Variants in ZNF721 observed in about 807,000 individuals in gnomAD.
ZNF721 encodes zinc finger protein 721.
Under a neutral mutation model 2.4 loss-of-function variants are expected in ZNF721, and 2 were observed. The ratio of observed to expected loss-of-function variants is 0.82; its 90% CI spans 0.34 to 2.58. ZNF721 has a LOEUF of 2.58. Among genes scored for constraint, ZNF721 ranks in the 30% most tolerant of loss-of-function variants. The pLI is 0.11. For missense variants in ZNF721, 1,187 were observed against 1,085.5 expected, an observed-to-expected ratio of 1.09 and a Z score of -1.31; for synonymous variants, 398 against 381.8, an observed-to-expected ratio of 1.04 and a Z score of -0.50.
intron 1 of ZNF721, among the ~76,000 whole-genome samples, chr4:479,231 C>A (rs1715713148): frequency 6.6e-6 from 1 of 152,014 alleles, no homozygotes; most frequent in Non-Finnish European, 1.5e-5. Flanking sequence ...TTTAGATCTC[C>A]CCCTGGCAAC....
chr4:470,998 C>CA (rs782706278), intron 2 of ZNF721, among the ~76,000 whole-genome samples: 818 of 79,248 alleles, frequency 0.01, 7 homozygotes, highest in East Asian at 0.065. Flanking sequence ...GACTCTGTCT[C>CA]AAAAAAAAAA....
chr4:444,303 CTT>C lies in ZNF721; in HGVS notation c.162_163del (p.Ser55TyrfsTer5), dbSNP rs782298238. On this transcript the variant is annotated frameshift_variant, in exon 3 of 3. Transcript: ENST00000511833. LOFTEE classifies it low-confidence loss of function (END_TRUNC). ...CTTCTGCACTTTACACACGTTCATACTTTTACAGCCTTTCCTTAATTGTAAAT... is the reference window on the plus strand; with the variant it reads ...CTTCTGCACTTTACACACGTTCATACTTACAGCCTTTCCTTAATTGTAAAT... 1 of 1,614,116 alleles carries C rather than the reference CTT, an allele frequency of 6.2e-7. No homozygotes were observed. Among genetic ancestry groups the C allele is most frequent in the East Asian group, 2.2e-5 (1 of 44,860 alleles).
intron 1 of ZNF721, among the ~76,000 whole-genome samples, 182 bp from the exon 2 acceptor site, chr4:472,883 T>C (rs1472872964): frequency 2.0e-5 from 3 of 152,052 alleles, no homozygotes; most frequent in Non-Finnish European, 4.4e-5. Context: ...CAACAGTTTC[T>C]GTTCCTGCAA....
chr4:480,876 C>T (rs923014684), intron 1 of ZNF721, among the ~76,000 whole-genome samples: 7 of 150,090 alleles, frequency 4.7e-5, no homozygotes, highest in African/African-American at 1.7e-4. Flanking sequence ...TCCATTCCAG[C>T]TCCTGCTTTG....
Position 450,953 on chromosome 4 carries a change from AAAAATATATATATATATAT to A in ZNF721, c.35-6540_35-6522del, listed in dbSNP as rs1268805202. Among the ~76,000 whole-genome samples, 295 of 33,584 alleles carry A rather than the reference AAAAATATATATATATATAT, an allele frequency of 8.8e-3. 14 individuals are homozygous for A. Among genetic ancestry groups the A allele is most frequent in the South Asian group, 0.037 (29 of 778 alleles). The allele number at this position is 33,584 out of a possible 152,430, so 22.0% of individuals were successfully genotyped here. A position where few individuals can be genotyped will look rare whatever the true frequency, so the allele number is the denominator to read the frequency against. On this transcript the variant is annotated intron_variant, in intron 2 of 2. Coordinates refer to ENST00000511833, the MANE Select transcript of ZNF721 (RefSeq NM_133474.4). ...CTCTGTCTCCAAAAAAAAAAAAAAA[AAAAATATATATATATATAT>A]ATATATATATATATATATATATATC...
At position 443,752 on chromosome 4, in the gene ZNF721, G is replaced by A. The variant is rs782529181; in HGVS notation, c.715C>T (p.His239Tyr). The A allele has an allele frequency of 6.2e-7, 1 of 1,613,996 alleles. No homozygotes were observed. Residue 239 changes from histidine to tyrosine, a missense_variant, in exon 3 of 3, where the codon CAT (histidine) becomes TAT (tyrosine). Coordinates refer to ENST00000511833, the MANE Select transcript of ZNF721 (RefSeq NM_133474.4). ...TTCTCTCCAGTATGAATTTTCTCATGTTTATTCAGGTGTGAGGAATGCATA... is the reference window on the plus strand; with the variant it reads ...TTCTCTCCAGTATGAATTTTCTCATATTTATTCAGGTGTGAGGAATGCATA... Reference protein sequence around the residue: ...AFMHSSHLNKHEKIHTGEKPY... With the variant: ...AFMHSSHLNKYEKIHTGEKPY...
chr4:474,001 G>A, intron 1 of ZNF721: 1 of 1,505,020 alleles, frequency 6.6e-7, no homozygotes, highest in Admixed American at 1.8e-5. Context: ...CTTCAAGGGT[G>A]TCGCGAAGTC....
intron 2 of ZNF721, among the ~76,000 whole-genome samples, chr4:468,602 C>A (rs1428772331): frequency 6.6e-6 from 1 of 152,124 alleles, no homozygotes; most frequent in Non-Finnish European, 1.5e-5. Flanking sequence ...CAGAAAGAAT[C>A]TGTGACTGTC....
chr4:450,209 G>T (rs1349018149), intron 2 of ZNF721, among the ~76,000 whole-genome samples: 1 of 149,656 alleles, frequency 6.7e-6, no homozygotes, highest in Non-Finnish European at 1.5e-5. Flanking sequence ...ATGTCAAAGA[G>T]AAATCTACAC....
chr4:450,995 A>G (rs1444054038), intron 2 of ZNF721, among the ~76,000 whole-genome samples: 45 of 124,300 alleles, frequency 3.6e-4, no homozygotes, highest in South Asian at 1.3e-3. Context: ...ATATATATAT[A>G]TCCCAAAAAT....
chr4:443,556 G>A lies in ZNF721; in HGVS notation c.911C>T (p.Pro304Leu), dbSNP rs782582134. 1.9e-6 allele frequency: 3 copies of A among 1,613,992 alleles called. No individual in the cohort carries two copies. Among genetic ancestry groups the A allele is most frequent in the Non-Finnish European group, 2.5e-6 (3 of 1,179,944 alleles). Reference sequence around the variant, plus strand: ...TTTGCCACATACTTCACATGTGTAGGGTTTCTCTCCAGTATGAATTCTCCT... The same window carrying A: ...TTTGCCACATACTTCACATGTGTAGAGTTTCTCTCCAGTATGAATTCTCCT... ...KHRRIHTGEKPYTCEVCGKAF... is the reference protein window; with the variant it reads ...KHRRIHTGEKLYTCEVCGKAF... Residue 304 changes from proline to leucine, a missense_variant, in exon 3 of 3, where the codon CCC becomes CTC. Physicochemically the swap from Pro to Leu is moderately conservative, Grantham distance 98 (BLOSUM62 -3). Coordinates refer to ENST00000511833, the MANE Select transcript of ZNF721 (RefSeq NM_133474.4).
intron 2 of ZNF721, among the ~76,000 whole-genome samples, chr4:463,466 T>C (rs530883878): frequency 8.5e-5 from 13 of 152,326 alleles, no homozygotes; most frequent in African/African-American, 3.1e-4. Context: ...CGTATTTTTA[T>C]TGCAGCACTG....
Position 440,432 on chromosome 4 carries a change from T to C in ZNF721, c.*1263A>G, listed in dbSNP as rs1401898642. The C allele has an allele frequency of 6.6e-6, 1 of 152,204 alleles. No homozygotes were observed. The highest frequency in any genetic ancestry group is 1.5e-5 in the Non-Finnish European group (1 of 68,038). The allele number at this position is 152,204 out of a possible 1,614,324, so 9.4% of individuals were successfully genotyped here. Reference sequence around the variant, plus strand: ...TTCAAGTGAAAAAATATATTTCGAATATATCTCTTCAAAAACCTACTTTTC... The same window carrying C: ...TTCAAGTGAAAAAATATATTTCGAACATATCTCTTCAAAAACCTACTTTTC... On this transcript the variant is annotated 3_prime_UTR_variant, in exon 3 of 3. Coordinates refer to ENST00000511833, the MANE Select transcript of ZNF721 (RefSeq NM_133474.4).
intron 2 of ZNF721, among the ~76,000 whole-genome samples, chr4:467,692 A>T (rs2108708283): frequency 6.6e-6 from 1 of 152,318 alleles, no homozygotes; most frequent in East Asian, 1.9e-4. Context: ...CTGCAGGAAG[A>T]CACACCCAGC....
intron 1 of ZNF721, among the ~76,000 whole-genome samples, chr4:497,164 G>C (rs1169728983): frequency 6.6e-6 from 1 of 151,730 alleles, no homozygotes; most frequent in African/African-American, 2.4e-5. Context: ...GCTATCTGTC[G>C]ATGCAGAAGC....
chr4:443,553 T>C lies in ZNF721; in HGVS notation c.914A>G (p.Tyr305Cys). The change falls in exon 3 of 3, where the codon TAC (tyrosine) becomes TGC (cysteine). Residue 305 changes from tyrosine (Y) to cysteine (C), a missense_variant. Transcript: ENST00000511833. ...HRRIHTGEKP[Y>C]TCEVCGKAFR... ...GGCTTTGCCACATACTTCACATGTG[T>C]AGGGTTTCTCTCCAGTATGAATTCT... 1.2e-6 allele frequency: 2 copies of C among 1,614,046 alleles called. No individual in the cohort carries two copies. The highest frequency in any genetic ancestry group is 1.1e-5 in the South Asian group (1 of 91,074).
At chr4:458,735 A>G (rs1362265287) in intron 2 of ZNF721, among the ~76,000 whole-genome samples, 1 of 152,118 alleles carries the variant, frequency 6.6e-6, no homozygotes, top group Non-Finnish European at 1.5e-5. Context: ...AGTCCCAGCC[A>G]CCCAGGAGGC....
At chr4:471,888 A>G (rs1383628319) in intron 2 of ZNF721, among the ~76,000 whole-genome samples, 5 of 152,182 alleles carry the variant, frequency 3.3e-5, no homozygotes, top group African/African-American at 1.2e-4. Context: ...AAATATAGTT[A>G]AACAATTTTT....
rs193028000 is a variant in ZNF721, at chr4:461,137, G to A, written c.34+11438C>T. Among the ~76,000 whole-genome samples the A allele has an allele frequency of 6.1e-4, 93 of 152,266 alleles. 1 individual carries two copies. The East Asian group carries it at 0.014, about 23-fold the overall frequency. ...CATCCTGATAACAAAGCCTGGCAGA[G>A]ACACAACAAAAGAAAAAATTTCAGG... On this transcript the variant is annotated intron_variant, in intron 2 of 2. Transcript: ENST00000511833.
Sources: allele counts gnomAD v4.1 joint callset (sites outside exome capture counted in the v4.1 genomes callset), GRCh38; gene constraint gnomAD v4.1.1; transcripts MANE v1.5; gene names NCBI Gene and HGNC (gene_info 2026-07-23, HGNC 2026-07-21).